The following ESRRG variants were observed in gnomAD, a reference collection of about 807,000 sequenced individuals.
ESRRG encodes estrogen related receptor gamma.
Under a neutral mutation model 44.0 loss-of-function variants are expected in ESRRG, and 13 were observed. The observed-to-expected ratio is 0.30, with a 90% CI of 0.19 to 0.47. The LOEUF is 0.47. ESRRG is among the 20% of genes least tolerant of loss of function. ESRRG has a pLI of 1.00. For synonymous variants in ESRRG, 215 were observed against 214.6 expected (o/e 1.00, Z -0.02); for missense variants, 395 against 580.6 (o/e 0.68, Z 3.29).
At chr1:216,802,781 G>T (rs550072491) in intron 2 of ESRRG, among the ~76,000 whole-genome samples, 2 of 152,132 alleles carry the variant, frequency 1.3e-5, no homozygotes, top group East Asian at 3.9e-4. Context: ...TAAGCACCAG[G>T]CTGGGAACTT....
At chr1:216,819,699 A>C (rs950205679) in intron 2 of ESRRG, among the ~76,000 whole-genome samples, 1 of 152,038 alleles carries the variant, frequency 6.6e-6, no homozygotes, top group Non-Finnish European at 1.5e-5. Context: ...GGCTATGTTC[A>C]GTGTTTTTCA....
intron 5 of ESRRG, among the ~76,000 whole-genome samples, chr1:216,524,796 C>T (rs1189447926): frequency 1.3e-5 from 2 of 152,102 alleles, no homozygotes; most frequent in African/African-American, 4.8e-5. Flanking sequence ...GGTTTTAATA[C>T]AATTTTGTAT....
chr1:217,097,134 T>C (rs2092436365), intron 1 of ESRRG, among the ~76,000 whole-genome samples: 1 of 152,048 alleles, frequency 6.6e-6, no homozygotes, highest in East Asian at 1.9e-4. Flanking sequence ...AGGATCAGGA[T>C]TGCGAATAGG....
intron 2 of ESRRG, among the ~76,000 whole-genome samples, chr1:216,782,708 T>C (rs1185705308): frequency 6.6e-6 from 1 of 152,072 alleles, no homozygotes. Flanking sequence ...ACAGGACTAA[T>C]GATCGTCATT....
intron 1 of ESRRG, among the ~76,000 whole-genome samples, chr1:217,124,197 T>A (rs1558288028): frequency 6.6e-6 from 1 of 152,098 alleles, no homozygotes; most frequent in Non-Finnish European, 1.5e-5. Context: ...GTAAACTGAA[T>A]CTAGACTTTG....
intron 1 of ESRRG, among the ~76,000 whole-genome samples, chr1:217,014,005 CA>C (rs1249915271): frequency 5.9e-5 from 9 of 152,072 alleles, no homozygotes. Context: ...AGCAATGCTC[CA>C]AAAGGAGTGA....
chr1:216,617,019 T>G (rs1378802080), intron 3 of ESRRG, among the ~76,000 whole-genome samples: 1 of 152,192 alleles, frequency 6.6e-6, no homozygotes, highest in Middle Eastern at 3.2e-3. Flanking sequence ...ATGAAACTAC[T>G]GTACTGCATC....
In ESRRG at chr1:216,504,673, T is replaced by A. The variant is rs941723808; in HGVS notation, c.*2266A>T. On this transcript the variant is annotated 3_prime_UTR_variant, in exon 7 of 7. Transcript: ENST00000408911. ...TAACAACATCTGAGAGATGATTGAGTGAAAGCCATATATACAGCATTTAAA... is the reference window on the plus strand; with the variant it reads ...TAACAACATCTGAGAGATGATTGAGAGAAAGCCATATATACAGCATTTAAA... 2.6e-5 allele frequency: 4 copies of A among 152,646 alleles called. No individual in the cohort carries two copies. Among genetic ancestry groups the A allele is most frequent in the African/African-American group, 9.6e-5 (4 of 41,470 alleles). The allele number at this position is 152,646 out of a possible 1,614,324, so 9.5% of individuals were successfully genotyped here.
At chr1:217,056,610 A>G (rs2087148590) in intron 1 of ESRRG, among the ~76,000 whole-genome samples, 1 of 151,600 alleles carries the variant, frequency 6.6e-6, no homozygotes, top group African/African-American at 2.4e-5. Context: ...GCCACCAAAC[A>G]TAAAGGACAC....
chr1:216,746,768 T>G (rs2813701), intron 2 of ESRRG, among the ~76,000 whole-genome samples: 148,864 of 152,236 alleles, frequency 0.98, 72,859 homozygotes, highest in Middle Eastern at 1. Flanking sequence ...GTTGTCAAAT[T>G]CTAAATAAAC....
At chr1:216,565,933 C>A (rs2059602824) in intron 4 of ESRRG, among the ~76,000 whole-genome samples, 2 of 151,590 alleles carry the variant, frequency 1.3e-5, no homozygotes, top group Admixed American at 6.6e-5. Context: ...AGAAGAAAAT[C>A]CAATAGTAAA....
intron 1 of ESRRG, among the ~76,000 whole-genome samples, chr1:216,687,908 C>A (rs1318039207): frequency 3.3e-5 from 5 of 152,072 alleles, no homozygotes; most frequent in Non-Finnish European, 5.9e-5. Flanking sequence ...GATTTGGTAA[C>A]TTTACTACAT....
chr1:216,506,996 T>C lies in ESRRG; in HGVS notation c.1320A>G (p.Leu440=), dbSNP rs1387963614. ...GTTTGTGCATTGGGACTTTGCCTTCTAGTTTGATGTTGTAGAAATGCTGCA... is the reference window on the plus strand; with the variant it reads ...GTTTGTGCATTGGGACTTTGCCTTCCAGTTTGATGTTGTAGAAATGCTGCA... ...KAVQHFYNIK[L]EGKVPMHKLF... The change falls in exon 7 of 7, where the codon CTA becomes CTG. Residue 440 remains leucine (L), a synonymous_variant. Coordinates refer to ENST00000408911, the MANE Select transcript of ESRRG (RefSeq NM_001438.4). The C allele has an allele frequency of 1.9e-6, 3 of 1,614,066 alleles. No individual in the cohort carries two copies. Among genetic ancestry groups the C allele is most frequent in the East Asian group, 4.5e-5 (2 of 44,882 alleles).
At chr1:216,751,718 T>A (rs568619458) in intron 2 of ESRRG, among the ~76,000 whole-genome samples, 1 of 152,288 alleles carries the variant, frequency 6.6e-6, no homozygotes, top group East Asian at 1.9e-4. Flanking sequence ...AGATAACCTG[T>A]CCCTTCGCTT....
intron 2 of ESRRG, among the ~76,000 whole-genome samples, chr1:216,822,661 C>T (rs2095322052): frequency 1.3e-5 from 2 of 152,204 alleles, no homozygotes; most frequent in Admixed American, 6.5e-5. Flanking sequence ...TCCTGAGTCT[C>T]AGGTTCCTTC....
chr1:217,005,680 T>G (rs538544475), intron 1 of ESRRG, among the ~76,000 whole-genome samples: 1 of 152,086 alleles, frequency 6.6e-6, no homozygotes, highest in East Asian at 1.9e-4. Context: ...AACAATGTTG[T>G]ATAATAACAT....
chr1:216,825,019 G>T (rs2095366762), intron 2 of ESRRG, among the ~76,000 whole-genome samples: 2 of 152,116 alleles, frequency 1.3e-5, no homozygotes, highest in African/African-American at 4.8e-5. Context: ...CAGTGACAGA[G>T]GCCTGTCCTT....
intron 3 of ESRRG, among the ~76,000 whole-genome samples, chr1:216,609,427 C>T (rs1336289567): frequency 6.6e-6 from 1 of 152,190 alleles, no homozygotes; most frequent in Non-Finnish European, 1.5e-5. Context: ...ACACCTTTAT[C>T]TACCCTGGAG....
At chr1:217,114,431 G>A (rs1281983496) in intron 1 of ESRRG, among the ~76,000 whole-genome samples, 1 of 152,018 alleles carries the variant, frequency 6.6e-6, no homozygotes, top group Non-Finnish European at 1.5e-5. Context: ...CCAGATCAAG[G>A]TGTCTAATTG....
Sources: allele counts gnomAD v4.1 joint callset (sites outside exome capture counted in the v4.1 genomes callset), GRCh38; gene constraint gnomAD v4.1.1; transcripts MANE v1.5; gene names NCBI Gene and HGNC (gene_info 2026-07-23, HGNC 2026-07-21).